The following DENND2B variants were observed in gnomAD, a reference collection of about 807,000 sequenced individuals.
DENND2B encodes DENN domain-containing protein 2B.
A neutral mutation model predicts 116.0 loss-of-function variants in DENND2B; 32 were observed. The observed-to-expected ratio is 0.28, with a 90% CI of 0.21 to 0.37. The LOEUF is 0.37. Ranked by LOEUF, DENND2B falls within the 10% of genes least tolerant of loss-of-function variation. The pLI is 1.00. For missense variants in DENND2B, 1,276 were observed against 1,477.7 expected (o/e 0.86, Z 2.24); for synonymous variants, 588 against 583.9 (o/e 1.01, Z -0.10).
chr11:8,789,987 C>CT (rs1291704511), intron 1 of DENND2B, among the ~76,000 whole-genome samples: 9 of 152,128 alleles, frequency 5.9e-5, no homozygotes. Context: ...TAAATCCAGC[C>CT]TTTCAAGAGC....
intron 3 of DENND2B, among the ~76,000 whole-genome samples, chr11:8,850,242 G>A (rs2062959742): frequency 1.3e-5 from 2 of 152,140 alleles, no homozygotes; most frequent in Non-Finnish European, 2.9e-5. Flanking sequence ...TAGTATATAT[G>A]AGTTGTTCTT....
chr11:8,897,559 TG>T (rs756244979), intron 1 of DENND2B, among the ~76,000 whole-genome samples: 6 of 152,120 alleles, frequency 3.9e-5, no homozygotes, highest in Non-Finnish European at 5.9e-5. Flanking sequence ...ACTGTAGTTT[TG>T]GTTGGGAAAA....
At chr11:8,805,128 C>G (rs193218913) in intron 1 of DENND2B, among the ~76,000 whole-genome samples, 1 of 152,210 alleles carries the variant, frequency 6.6e-6, no homozygotes, top group African/African-American at 2.4e-5. Context: ...CAAGGTCACA[C>G]AGCAAGGTCA....
intron 3 of DENND2B, 74 bp downstream of exon 3, chr11:8,729,876 A>G (rs1194403449): frequency 7.8e-6 from 12 of 1,548,306 alleles, no homozygotes; most frequent in African/African-American, 6.8e-5. Flanking sequence ...CCATCCTACA[A>G]TCTGTGTTTG....
At chr11:8,788,833 C>T (rs1296019931) in intron 1 of DENND2B, among the ~76,000 whole-genome samples, 2 of 152,226 alleles carry the variant, frequency 1.3e-5, no homozygotes, top group Non-Finnish European at 2.9e-5. Context: ...CACTACCTGA[C>T]AGCTGCTCTC....
chr11:8,882,293 A>G (rs1165795903), intron 1 of DENND2B, among the ~76,000 whole-genome samples: 1 of 152,144 alleles, frequency 6.6e-6, no homozygotes, highest in East Asian at 1.9e-4. Context: ...GATAGGCCCA[A>G]CTCAAATGTC....
chr11:8,767,661 C>T (rs969622082), intron 1 of DENND2B, among the ~76,000 whole-genome samples: 5 of 152,136 alleles, frequency 3.3e-5, no homozygotes, highest in African/African-American at 1.2e-4. Flanking sequence ...GGGACTCACT[C>T]ATTCCGCAAG....
At position 8,730,946 on chromosome 11, in the gene DENND2B, T is replaced by G; in HGVS notation, c.344A>C (p.Lys115Thr). 4 of 1,614,212 alleles carry G rather than the reference T, an allele frequency of 2.5e-6. No homozygotes were observed. Among genetic ancestry groups the G allele is most frequent in the Non-Finnish European group, 3.4e-6 (4 of 1,180,038 alleles). Residue 115 changes from lysine to threonine, a missense_variant, in exon 3 of 20, where the codon AAG becomes ACG. By Grantham distance (78) the Lys-to-Thr change is moderately conservative. Coordinates refer to ENST00000313726, the MANE Select transcript of DENND2B (RefSeq NM_213618.2). The surrounding 1 kb of genome is among the most constrained non-coding windows in gnomAD (Gnocchi z 4.1). ...CTGGGCTGCGCCTTGGACACTTTCC[T>G]TTTGGGCGTCTCTCTTGCACGCCGA... ...SPSACKRDAQ[K>T]ESVQGAAQDV...
intron 1 of DENND2B, among the ~76,000 whole-genome samples, chr11:8,794,004 A>T (rs1428509793): frequency 6.6e-6 from 1 of 152,142 alleles, no homozygotes; most frequent in East Asian, 1.9e-4. Flanking sequence ...AATAAATAAA[A>T]AACCCAGTGC....
chr11:8,697,517 A>G lies in DENND2B; in HGVS notation c.3052+8T>C. On this transcript the variant is annotated splice_region_variant and intron_variant, in intron 17 of 19. Coordinates refer to ENST00000313726, the MANE Select transcript of DENND2B (RefSeq NM_213618.2). ...GCAGAGCTGACCGTGCCCGGGCACT[A>G]TTCTCACCATCGTCGGAGTCGCTGT... The G allele has an allele frequency of 4.3e-6, 7 of 1,611,350 alleles. No homozygotes were observed. The highest frequency in any genetic ancestry group is 5.9e-6 in the Non-Finnish European group (7 of 1,177,574).
chr11:8,711,851 G>C, intron 9 of DENND2B: 1 of 361,242 alleles, frequency 2.8e-6, no homozygotes, highest in Non-Finnish European at 5.6e-6. Flanking sequence ...TCTGTAACAA[G>C]AGCGAAACTC....
intron 3 of DENND2B, among the ~76,000 whole-genome samples, chr11:8,839,604 C>T (rs1006538569): frequency 6.6e-6 from 1 of 152,292 alleles, no homozygotes; most frequent in African/African-American, 2.4e-5. Context: ...CAAACTGGGC[C>T]ACCAGTGGTC....
intron 3 of DENND2B, among the ~76,000 whole-genome samples, chr11:8,848,118 G>T (rs75902038): frequency 1.3e-5 from 2 of 152,256 alleles, no homozygotes; most frequent in African/African-American, 2.4e-5. Flanking sequence ...TTCCAATTTT[G>T]CAAAGGATAC....
At chr11:8,799,256 A>G (rs2060100063) in intron 1 of DENND2B, among the ~76,000 whole-genome samples, 1 of 152,218 alleles carries the variant, frequency 6.6e-6, no homozygotes, top group Non-Finnish European at 1.5e-5. Flanking sequence ...CCAAGCCAAG[A>G]GCAAACCCTG....
At chr11:8,841,242 T>A (rs567131093) in intron 3 of DENND2B, among the ~76,000 whole-genome samples, 1 of 152,216 alleles carries the variant, frequency 6.6e-6, no homozygotes, top group Non-Finnish European at 1.5e-5. Flanking sequence ...GTGAAGATGA[T>A]AATAGATTTG....
chr11:8,850,106 G>C (rs2062955371), intron 3 of DENND2B, among the ~76,000 whole-genome samples: 1 of 152,058 alleles, frequency 6.6e-6, no homozygotes, highest in Non-Finnish European at 1.5e-5. Context: ...CCTCACTCTG[G>C]CTTGGAGGAC....
rs781584093 is a variant in DENND2B, at chr11:8,758,192, A to C, written c.-25-7467T>G. On this transcript the variant is annotated intron_variant, in intron 1 of 19. Transcript: ENST00000313726. Reference sequence around the variant, plus strand: ...GTGTCCCACAGCATGTTCTCTAGGGACTTAATGGAGTCACGACTCACCATC... The same window carrying C: ...GTGTCCCACAGCATGTTCTCTAGGGCCTTAATGGAGTCACGACTCACCATC... 5.9e-5 allele frequency among the ~76,000 whole-genome samples: 9 copies of C among 152,250 alleles called. 1 individual carries two copies. In the South Asian group the frequency reaches 1.5e-3, roughly 25 times the overall value.
At chr11:8,874,571 C>G (rs2063822957), upstream of DENND2B, among the ~76,000 whole-genome samples, 1 of 151,982 alleles carries the variant, frequency 6.6e-6, no homozygotes, top group Admixed American at 6.6e-5. Context: ...CTAGCACTCA[C>G]GAAACAATGA....
At chr11:8,745,690 C>T (rs2051110455) in intron 2 of DENND2B, among the ~76,000 whole-genome samples, 1 of 152,186 alleles carries the variant, frequency 6.6e-6, no homozygotes, top group Admixed American at 6.5e-5. Flanking sequence ...TTGAGGCTAG[C>T]TCATTAAAAT....
Sources: allele counts gnomAD v4.1 joint callset (sites outside exome capture counted in the v4.1 genomes callset), GRCh38; gene constraint gnomAD v4.1.1; non-coding constraint Gnocchi (gnomAD v3.1); transcripts MANE v1.5; gene names NCBI Gene and HGNC (gene_info 2026-07-23, HGNC 2026-07-21).